CTNNA2: variants seen among roughly 807,000 people sequenced by gnomAD.
CTNNA2 encodes catenin alpha 2.
A neutral mutation model predicts 101.0 loss-of-function variants in CTNNA2; 42 were observed. The observed-to-expected ratio is 0.42, with a 90% confidence interval of 0.32 to 0.54. The LOEUF is 0.54. Ranked by LOEUF, CTNNA2 falls within the 20% of genes least tolerant of loss-of-function variation. The pLI, the probability that CTNNA2 is intolerant of heterozygous loss-of-function variation, is 0.14. For synonymous variants in CTNNA2, 450 were observed against 456.4 expected (o/e 0.99, Z 0.18); for missense variants, 871 against 1,223.1 (o/e 0.71, Z 4.29).
intron 3 of CTNNA2, among the ~76,000 whole-genome samples, chr2:79,782,010 T>C (rs1674481197): frequency 6.6e-6 from 1 of 152,224 alleles, no homozygotes; most frequent in Non-Finnish European, 1.5e-5. Context: ...CTCTGTTTAG[T>C]TTAAATGGAA....
intron 7 of CTNNA2, among the ~76,000 whole-genome samples, chr2:80,301,673 A>T (rs143182234): frequency 3.3e-5 from 5 of 152,278 alleles, no homozygotes; most frequent in African/African-American, 1.2e-4. Context: ...TAGTCCTTAC[A>T]CATGTGGAGT....
chr2:79,938,928 C>T (rs994116520), intron 7 of CTNNA2, among the ~76,000 whole-genome samples: 1 of 152,092 alleles, frequency 6.6e-6, no homozygotes, highest in African/African-American at 2.4e-5. Context: ...CTCTAAGGCT[C>T]TTGCATTAAA....
chr2:80,634,105 C>T (rs886686038), intron 18 of CTNNA2, among the ~76,000 whole-genome samples: 3 of 152,108 alleles, frequency 2.0e-5, no homozygotes, highest in Non-Finnish European at 2.9e-5. Context: ...AATTACAATG[C>T]TTCAACATCT....
At chr2:79,807,805 G>A (rs1170784406) in intron 3 of CTNNA2, among the ~76,000 whole-genome samples, 1 of 151,786 alleles carries the variant, frequency 6.6e-6, no homozygotes, top group Non-Finnish European at 1.5e-5. Flanking sequence ...TTGTTCTGAG[G>A]GGCAAAAAAA....
chr2:79,869,804 T>C lies in CTNNA2; in HGVS notation c.466-12T>C, dbSNP rs1682447768. ...TATCCACTAATAAATATGTTGTTTT[T>C]CACCACTGCAGGTGGAAGAGGCCCT... On this transcript the variant is annotated splice_polypyrimidine_tract_variant and intron_variant, in intron 4 of 18. Coordinates refer to ENST00000402739, the MANE Select transcript of CTNNA2 (RefSeq NM_001282597.3). 6.2e-7 allele frequency: 1 copy of C among 1,606,906 alleles called. No homozygotes were observed. The highest frequency in any genetic ancestry group is 2.2e-5 in the East Asian group (1 of 44,858).
At chr2:80,629,291 G>A (rs1352255631) in intron 18 of CTNNA2, among the ~76,000 whole-genome samples, 1 of 152,032 alleles carries the variant, frequency 6.6e-6, no homozygotes, top group Non-Finnish European at 1.5e-5. Flanking sequence ...TTGTCACTGG[G>A]AGTCCTTGAG....
At chr2:79,361,145 T>C (rs1320015150) in intron 3 of CTNNA2, among the ~76,000 whole-genome samples, 1 of 152,206 alleles carries the variant, frequency 6.6e-6, no homozygotes, top group Non-Finnish European at 1.5e-5. Context: ...CTCTTGATCC[T>C]ATATTGAGAT....
chr2:80,328,756 G>A (rs893140000), intron 7 of CTNNA2, among the ~76,000 whole-genome samples: 15 of 152,196 alleles, frequency 9.9e-5, no homozygotes, highest in African/African-American at 1.4e-4. Flanking sequence ...TGAGAAATGC[G>A]TTTTCATTGT....
At chr2:79,819,694 TTAGA>T (rs1269594380) in intron 3 of CTNNA2, among the ~76,000 whole-genome samples, 1 of 152,070 alleles carries the variant, frequency 6.6e-6, no homozygotes, top group Non-Finnish European at 1.5e-5. Flanking sequence ...AAAAATACAG[TTAGA>T]TAGAAGGAAT....
intron 7 of CTNNA2, among the ~76,000 whole-genome samples, chr2:79,972,569 A>G (rs1690558561): frequency 1.3e-5 from 2 of 152,200 alleles, no homozygotes; most frequent in African/African-American, 4.8e-5. Flanking sequence ...CTTTACGTCT[A>G]GGTGCAAATG....
intron 4 of CTNNA2, among the ~76,000 whole-genome samples, chr2:79,447,020 GT>G (rs1678840831): frequency 6.6e-6 from 1 of 151,968 alleles, no homozygotes; most frequent in African/African-American, 2.4e-5. Context: ...TAGATGTACA[GT>G]TCCAAATAAA....
intron 2 of CTNNA2, among the ~76,000 whole-genome samples, chr2:79,232,651 G>A (rs1465078864): frequency 1.3e-5 from 2 of 152,152 alleles, no homozygotes; most frequent in African/African-American, 4.8e-5. Flanking sequence ...GAATTTTACT[G>A]TAAATCCATC....
intron 7 of CTNNA2, among the ~76,000 whole-genome samples, chr2:80,109,255 C>G (rs1367850354): frequency 6.6e-6 from 1 of 152,002 alleles, no homozygotes; most frequent in Non-Finnish European, 1.5e-5. Flanking sequence ...GGTTGGGAGA[C>G]TGAGGCCATC....
chr2:79,610,195 A>G (rs1288594620), intron 1 of CTNNA2, among the ~76,000 whole-genome samples: 1 of 152,146 alleles, frequency 6.6e-6, no homozygotes, highest in African/African-American at 2.4e-5. Flanking sequence ...CACTAAGGAT[A>G]TGTAAATTAG....
intron 3 of CTNNA2, among the ~76,000 whole-genome samples, chr2:79,852,097 T>C (rs1160939477): frequency 6.6e-6 from 1 of 152,172 alleles, no homozygotes; most frequent in East Asian, 1.9e-4. Flanking sequence ...ACATGAACTA[T>C]CAGTATATGT....
chr2:80,101,511 A>C (rs985428282), intron 7 of CTNNA2, among the ~76,000 whole-genome samples: 2 of 152,214 alleles, frequency 1.3e-5, no homozygotes, highest in Non-Finnish European at 2.9e-5. Context: ...TGAAGTGAAT[A>C]CATTTGTTTA....
chr2:80,487,907 A>G (rs1040965902), intron 9 of CTNNA2, among the ~76,000 whole-genome samples: 3 of 152,124 alleles, frequency 2.0e-5, no homozygotes, highest in African/African-American at 7.2e-5. Context: ...TTTTTCTGTG[A>G]CCATTGACCT....
At chr2:80,552,807 C>T (rs894962162) in intron 11 of CTNNA2, among the ~76,000 whole-genome samples, 19 of 152,112 alleles carry the variant, frequency 1.2e-4, no homozygotes, top group East Asian at 1.2e-3. Context: ...TTTAAAAGTA[C>T]GGTAAAAATA....
chr2:79,219,455 A>AT (rs1312703597), intron 2 of CTNNA2, among the ~76,000 whole-genome samples: 21 of 152,110 alleles, frequency 1.4e-4, no homozygotes, highest in African/African-American at 4.8e-4. Flanking sequence ...AATTCTTTTT[A>AT]TTTTACCTTA....
Sources: allele counts gnomAD v4.1 joint callset (sites outside exome capture counted in the v4.1 genomes callset), GRCh38; gene constraint gnomAD v4.1.1; transcripts MANE v1.5; gene names NCBI Gene and HGNC (gene_info 2026-07-23, HGNC 2026-07-21).